The following MKNK1 variants were observed in gnomAD, a reference collection of about 807,000 sequenced individuals.
MKNK1 encodes the protein MAPK interacting serine/threonine kinase 1, also known as MAP kinase-interacting serine/threonine-protein kinase 1.
MKNK1 carries 30 observed loss-of-function variants against 49.3 expected under a neutral mutation model. The observed-to-expected ratio is 0.61, with a 90% CI of 0.46 to 0.83. MKNK1 has a LOEUF of 0.83. Among genes scored for constraint, MKNK1 ranks in the 40% least tolerant of loss-of-function variants. The pLI is 0.00. For missense variants in MKNK1, 423 were observed against 524.7 expected (o/e 0.81, Z 1.89); for synonymous variants, 176 against 201.7 (o/e 0.87, Z 1.08).
At position 46,568,509 on chromosome 1, in the gene MKNK1, A is replaced by G. The variant is rs1252089344; in HGVS notation, c.458-11T>C. On this transcript the variant is annotated splice_polypyrimidine_tract_variant and intron_variant, in intron 7 of 12. Coordinates refer to ENST00000371945, the MANE Select transcript of MKNK1 (RefSeq NM_001135553.4). ...CACGATGAGCAATGCCTGACATGAC[A>G]AAGAGCAAAAAAATGGTTAACATAT... 1.2e-6 allele frequency: 2 copies of G among 1,613,134 alleles called. No individual in the cohort carries two copies. The highest frequency in any genetic ancestry group is 8.5e-7 in the Non-Finnish European group (1 of 1,179,388).
chr1:46,569,966 G>A (rs1669812120), intron 7 of MKNK1: 1 of 152,258 alleles, frequency 6.6e-6, no homozygotes, highest in African/African-American at 2.4e-5. Flanking sequence ...AGCTGCTCCG[G>A]TTCATTTCCC....
At chr1:46,559,629 G>A (rs988153400) in intron 12 of MKNK1, 1 of 155,238 alleles carries the variant, frequency 6.4e-6, no homozygotes, top group Admixed American at 6.2e-5. Context: ...TTAGCACCAC[G>A]TCTGACATGT....
chr1:46,595,687 C>A (rs1254122826), intron 1 of MKNK1, among the ~76,000 whole-genome samples: 13 of 152,198 alleles, frequency 8.5e-5, no homozygotes, highest in Admixed American at 8.5e-4. Context: ...AAAACTGTTT[C>A]CAGGGCCTAA....
At position 46,594,021 on chromosome 1, in the gene MKNK1, C is replaced by T. The variant is rs933074396; in HGVS notation, c.-3+92G>A. 9 of 986,790 alleles carry T rather than the reference C, an allele frequency of 9.1e-6. No individual in the cohort carries two copies. The Admixed American group carries it at 1.3e-4, about 14-fold the overall frequency. 61.1% of individuals were successfully genotyped at this position (986,790 alleles called of 1,614,324 possible). On this transcript the variant is annotated intron_variant, in intron 2 of 12. Transcript: ENST00000371945. ...CTAACTAACTAAGTGCTGAAAACCA[C>T]GGTCTCTTACCCGCCCTTTCCTCTG...
At chr1:46,603,045 C>T (rs1674953746) in intron 1 of MKNK1, among the ~76,000 whole-genome samples, 1 of 152,202 alleles carries the variant, frequency 6.6e-6, no homozygotes, top group Non-Finnish European at 1.5e-5. Context: ...CTAACCAACT[C>T]TCTGGATTAC....
At chr1:46,568,206 G>T (rs1428403925) in intron 8 of MKNK1, 9 of 496,722 alleles carry the variant, frequency 1.8e-5, no homozygotes, top group Non-Finnish European at 3.3e-5. Flanking sequence ...TTTTGTGCAG[G>T]TCTCATATAT....
At chr1:46,587,204 G>GT (rs1557880235) in intron 2 of MKNK1, among the ~76,000 whole-genome samples, 2 of 152,204 alleles carry the variant, frequency 1.3e-5, no homozygotes, top group Admixed American at 1.3e-4. Context: ...CTTCTTTTCA[G>GT]TTTCAGGCAG....
intron 1 of MKNK1, among the ~76,000 whole-genome samples, chr1:46,600,117 C>G (rs1674549073): frequency 6.6e-6 from 1 of 152,226 alleles, no homozygotes; most frequent in Non-Finnish European, 1.5e-5. Context: ...TTCAGGAATC[C>G]TCTGGTCATG....
At chr1:46,586,217 G>A in intron 2 of MKNK1, 1 of 305,512 alleles carries the variant, frequency 3.3e-6, no homozygotes, top group South Asian at 2.9e-5. Flanking sequence ...CCGCAGTAAA[G>A]CTGCACCTTG....
intron 2 of MKNK1, among the ~76,000 whole-genome samples, chr1:46,593,224 G>A (rs947494633): frequency 3.3e-5 from 5 of 152,068 alleles, no homozygotes; most frequent in South Asian, 2.1e-4. Flanking sequence ...TTTGAGCTAC[G>A]GTCTCGCTCT....
intron 1 of MKNK1, chr1:46,594,909 C>A: frequency 2.6e-6 from 1 of 383,600 alleles, no homozygotes; most frequent in Non-Finnish European, 5.2e-6. Flanking sequence ...ATTGCTTGAG[C>A]CCAGGAGGTC....
At chr1:46,564,234 C>T (rs533507926) in intron 9 of MKNK1, among the ~76,000 whole-genome samples, 2 of 151,828 alleles carry the variant, frequency 1.3e-5, no homozygotes, top group East Asian at 3.9e-4. Flanking sequence ...CCAAGCGATC[C>T]CATGTGCATA....
Position 46,562,715 on chromosome 1 carries a change from T to C in MKNK1, c.738A>G (p.Pro246=), listed in dbSNP as rs1452044310. 6.3e-7 allele frequency: 1 copy of C among 1,587,162 alleles called. No homozygotes were observed. The highest frequency in any genetic ancestry group is 8.6e-7 in the Non-Finnish European group (1 of 1,165,794). Residue 246 remains proline (P), a synonymous_variant, in exon 10 of 13, where the codon CCA becomes CCG. Coordinates refer to ENST00000371945, the MANE Select transcript of MKNK1 (RefSeq NM_001135553.4). ...VVLYIMLSGY[P]PFVGHCGADC... ...CGGCCCCGCAGTGACCCACGAAGGG[T>C]GGGTAGCCACTCAGCATGATGTAGA... is the stretch of plus-strand genomic sequence containing the variant.
At chr1:46,566,537 T>C (rs957974975) in intron 8 of MKNK1, among the ~76,000 whole-genome samples, 5 of 152,256 alleles carry the variant, frequency 3.3e-5, no homozygotes, top group African/African-American at 1.2e-4. Flanking sequence ...ATGGTAATTC[T>C]GTGTTTAGCC....
chr1:46,593,830 T>C (rs1673682922), intron 2 of MKNK1: 1 of 182,502 alleles, frequency 5.5e-6, no homozygotes, highest in Non-Finnish European at 1.1e-5. Context: ...CACTCCAGCC[T>C]GGGCGACAGA....
intron 2 of MKNK1, chr1:46,585,786 GC>G: frequency 1.5e-6 from 1 of 668,382 alleles, no homozygotes; most frequent in Non-Finnish European, 2.6e-6. Flanking sequence ...GGCTGAGGGA[GC>G]CGCTTGCACG....
intron 12 of MKNK1, chr1:46,559,928 C>T (rs1342423838): frequency 4.1e-6 from 2 of 489,714 alleles, no homozygotes; most frequent in Non-Finnish European, 3.7e-6. Flanking sequence ...TGTGAATAAC[C>T]CATGGGTAAG....
At chr1:46,566,761 C>T (rs1669141429) in intron 8 of MKNK1, among the ~76,000 whole-genome samples, 1 of 152,138 alleles carries the variant, frequency 6.6e-6, no homozygotes, top group Non-Finnish European at 1.5e-5. Flanking sequence ...TTTTCATGTA[C>T]TTGTTGGACA....
intron 5 of MKNK1, 100 bp downstream of exon 5, chr1:46,576,475 T>C: frequency 1.0e-6 from 1 of 962,610 alleles, no homozygotes; most frequent in Non-Finnish European, 1.7e-6. Context: ...GGGACAGGAG[T>C]GAGAGCTAAA....
Sources: gnomAD v4.1 joint callset for allele counts (sites outside exome capture counted in the v4.1 genomes callset) on GRCh38, gnomAD v4.1.1 for gene constraint, MANE v1.5 for transcripts, NCBI Gene and HGNC (gene_info 2026-07-23, HGNC 2026-07-21) for gene names.